The following TENM2 variants were observed in gnomAD, a reference collection of about 807,000 sequenced individuals.
TENM2 encodes teneurin transmembrane protein 2.
In TENM2, 52 loss-of-function variants were observed where a neutral mutation model predicts 245.2. The ratio of observed to expected loss-of-function variants is 0.21; its 90% CI spans 0.17 to 0.27. The LOEUF (loss-of-function observed/expected upper bound fraction) is 0.27, where lower values mean the gene tolerates loss of function less well. TENM2 is among the 10% of genes least tolerant of loss of function. TENM2 has a pLI of 1.00. For synonymous variants in TENM2, 1,363 were observed against 1,438.9 expected, an observed-to-expected ratio of 0.95 and a Z score of 1.19; for missense variants, 3,046 against 3,666.8, an observed-to-expected ratio of 0.83 and a Z score of 4.37.
chr5:168,192,801 C>A (rs1397356973), intron 14 of TENM2, among the ~76,000 whole-genome samples: 2 of 152,130 alleles, frequency 1.3e-5, no homozygotes, highest in Non-Finnish European at 2.9e-5. Flanking sequence ...TTGCACTGGG[C>A]CATAAGCATT....
chr5:167,314,471 C>T (rs1756232475), intron 1 of TENM2, among the ~76,000 whole-genome samples: 4 of 152,084 alleles, frequency 2.6e-5, no homozygotes, highest in Admixed American at 2.6e-4. Context: ...GATTTAGCAA[C>T]ATTCTAATTA....
rs546536923 is a variant in TENM2 at position 167,622,334 on chromosome 5, A to T, written c.502+246861A>T. Among the ~76,000 whole-genome samples the T allele has an allele frequency of 3.3e-5, 5 of 152,300 alleles. No homozygotes were observed. In the South Asian group the frequency reaches 8.3e-4, roughly 25 times the overall value. On this transcript the variant is annotated intron_variant, in intron 2 of 28. Coordinates refer to ENST00000518659, the Ensembl canonical transcript of TENM2. ...GCATAAAAGCGTAGCAATATAAAGCATGCCATGCTTTAAAAGCTCATGTTG... is the reference window on the plus strand; with the variant it reads ...GCATAAAAGCGTAGCAATATAAAGCTTGCCATGCTTTAAAAGCTCATGTTG...
At chr5:167,866,420 C>T (rs546337584) in intron 2 of TENM2, among the ~76,000 whole-genome samples, 10 of 150,940 alleles carry the variant, frequency 6.6e-5, no homozygotes, top group African/African-American at 9.8e-5. Context: ...GTCTCTTGAA[C>T]TCATGAAGCA....
the TENM2 span, among the ~76,000 whole-genome samples, chr5:167,207,230 T>G: frequency 1.3e-5 from 2 of 152,158 alleles, no homozygotes; most frequent in African/African-American, 4.8e-5. Context: ...AACCTTTGCC[T>G]TGAAACACGT....
chr5:167,845,910 A>C (rs1014889205), intron 2 of TENM2, among the ~76,000 whole-genome samples: 20 of 152,252 alleles, frequency 1.3e-4, no homozygotes, highest in African/African-American at 4.8e-4. Context: ...AGCTGGCCCG[A>C]CTGCTCCTAC....
chr5:167,914,439 C>T (rs758294209), intron 3 of TENM2, among the ~76,000 whole-genome samples: 31 of 152,134 alleles, frequency 2.0e-4, no homozygotes, highest in Non-Finnish European at 3.5e-4. Flanking sequence ...TCTCTCTCTT[C>T]TGCATCCCTC....
At chr5:167,600,058 A>AAAAAAAAAAAAAAAAAAAAAAG (rs1554088005) in intron 2 of TENM2, among the ~76,000 whole-genome samples, 1 of 152,128 alleles carries the variant, frequency 6.6e-6, no homozygotes. Context: ...AGGCGGGAGA[A>AAAAAAAAAAAAAAAAAAAAAAG]TTGCTTGAAC....
chr5:168,164,078 C>T (rs760589992), intron 13 of TENM2, among the ~76,000 whole-genome samples: 3 of 152,184 alleles, frequency 2.0e-5, no homozygotes, highest in Non-Finnish European at 4.4e-5. Flanking sequence ...AGGCAAGACT[C>T]TTGGTGAGCT....
upstream of TENM2, chr5:167,284,652 G>C: frequency 5.0e-6 from 3 of 597,630 alleles, no homozygotes; most frequent in South Asian, 6.1e-5. Context: ...AGATTGTGCA[G>C]GGCTGACCAA....
At chr5:167,207,745 G>T in the TENM2 span, among the ~76,000 whole-genome samples, 5 of 152,076 alleles carry the variant, frequency 3.3e-5, no homozygotes, top group African/African-American at 1.2e-4. Flanking sequence ...TTACTACTGA[G>T]GGTATATTCT....
chr5:167,364,624 C>G (rs1023165894), intron 1 of TENM2, among the ~76,000 whole-genome samples: 1 of 151,944 alleles, frequency 6.6e-6, no homozygotes, highest in African/African-American at 2.4e-5. Flanking sequence ...ATGAGTCACA[C>G]GTTTATTGCT....
At chr5:168,097,198 A>T (rs1793438417) in intron 8 of TENM2, among the ~76,000 whole-genome samples, 1 of 152,144 alleles carries the variant, frequency 6.6e-6, no homozygotes, top group South Asian at 2.1e-4. Flanking sequence ...TTACTCTACA[A>T]ATCTGAGGTT....
chr5:168,098,108 A>C (rs1391376817), exon 9 of TENM2: 1 of 1,613,250 alleles, frequency 6.2e-7, no homozygotes, highest in Admixed American at 1.7e-5. Flanking sequence ...CAGGATTTCT[A>C]GGAGCAGACT....
At chr5:167,763,714 ATTTGT>A (rs1382190478) in intron 2 of TENM2, among the ~76,000 whole-genome samples, 1 of 152,136 alleles carries the variant, frequency 6.6e-6, no homozygotes, top group Non-Finnish European at 1.5e-5. Context: ...CTTTTCATGA[ATTTGT>A]TTTAATACCT....
At chr5:168,115,554 G>A (rs1416520198) in intron 9 of TENM2, among the ~76,000 whole-genome samples, 2 of 152,162 alleles carry the variant, frequency 1.3e-5, no homozygotes, top group African/African-American at 4.8e-5. Flanking sequence ...ACCAGTGTTG[G>A]TGATTTGATG....
In TENM2 at chr5:168,065,809, G is replaced by GA. The variant is rs375327664; in HGVS notation, c.1515+3554dup. On this transcript the variant is annotated intron_variant, in intron 7 of 28. Transcript: ENST00000518659. ...TATAATAAAATGTATCCATTTCAGTGAAAAAAAAAAGAACCTAGAATAATG... is the reference window on the plus strand; with the variant it reads ...TATAATAAAATGTATCCATTTCAGTGAAAAAAAAAAAGAACCTAGAATAATG... Among the ~76,000 whole-genome samples, 995 of 138,370 alleles carry GA rather than the reference G, an allele frequency of 7.2e-3. 9 individuals are homozygous for GA. Among genetic ancestry groups the GA allele is most frequent in the Middle Eastern group, 0.011 (3 of 274 alleles). The allele number at this position is 138,370 out of a possible 152,430, so 90.8% of individuals were successfully genotyped here. A position where few individuals can be genotyped will look rare whatever the true frequency, so the allele number is the denominator to read the frequency against.
chr5:167,230,553 T>G, the TENM2 span, among the ~76,000 whole-genome samples: 1 of 152,170 alleles, frequency 6.6e-6, no homozygotes, highest in African/African-American at 2.4e-5. Flanking sequence ...GTAGGAGTTT[T>G]AACGGCTTTC....
Position 168,218,182 on chromosome 5 carries a change from G to T in TENM2, c.4291G>T (p.Val1431Phe). 6.2e-7 allele frequency: 1 copy of T among 1,613,850 alleles called. No individual in the cohort carries two copies. Among genetic ancestry groups the T allele is most frequent in the Non-Finnish European group, 8.5e-7 (1 of 1,179,824 alleles). The change falls in exon 23 of 29, where the codon GTT becomes TTT. Residue 1431 changes from valine (V) to phenylalanine (F), a missense_variant. Physicochemically the swap from Val to Phe is conservative, Grantham distance 50. This residue lies in a region of TENM2 where 2,704 missense variants were observed against 3,331.9 expected (regional missense o/e 0.81). Coordinates refer to ENST00000518659, the Ensembl canonical transcript of TENM2. The surrounding 1 kb of genome is among the most constrained non-coding windows in gnomAD (Gnocchi z 5.2). Reference sequence around the variant, plus strand: ...CAATCCCATGGATAACTCCTTGTATGTTCTAGAGAACAATGTCATCCTTCG... The same window carrying T: ...CAATCCCATGGATAACTCCTTGTATTTTCTAGAGAACAATGTCATCCTTCG...
At chr5:167,533,306 C>T (rs918936272) in intron 2 of TENM2, among the ~76,000 whole-genome samples, 2 of 152,132 alleles carry the variant, frequency 1.3e-5, no homozygotes, top group African/African-American at 4.8e-5. Flanking sequence ...AGTTTCTGAA[C>T]TTGGAGGTAC....
Sources: gnomAD v4.1 joint callset for allele counts (sites outside exome capture counted in the v4.1 genomes callset) on GRCh38, gnomAD v4.1.1 for gene constraint, gnomAD v4.1.1 regional missense constraint, Gnocchi (gnomAD v3.1) non-coding constraint, MANE v1.5 for transcripts, NCBI Gene and HGNC (gene_info 2026-07-23, HGNC 2026-07-21) for gene names.